PREX1: variants seen among roughly 807,000 people sequenced by gnomAD.
PREX1 encodes the protein phosphatidylinositol 3,4,5-trisphosphate-dependent Rac exchanger 1 protein.
PREX1 carries 41 observed loss-of-function variants against 198.3 expected under a neutral mutation model. The ratio of observed to expected loss-of-function variants is 0.21; its 90% CI spans 0.16 to 0.27. The LOEUF (loss-of-function observed/expected upper bound fraction) is 0.27. Among genes scored for constraint, PREX1 ranks in the 10% least tolerant of loss-of-function variants. The pLI is 1.00. For synonymous variants in PREX1, 843 were observed against 887.2 expected (o/e 0.95, Z 0.89); for missense variants, 1,620 against 2,200.7 (o/e 0.74, Z 5.28).
At chr20:48,868,351 CTT>C in the PREX1 span, among the ~76,000 whole-genome samples, 3 of 151,976 alleles carry the variant, frequency 2.0e-5, no homozygotes, top group African/African-American at 7.3e-5. Flanking sequence ...GAGTTTCGCT[CTT>C]GTTACCCAAG....
intron 1 of PREX1, among the ~76,000 whole-genome samples, chr20:48,773,070 C>A (rs1456164948): frequency 6.6e-6 from 1 of 152,046 alleles, no homozygotes; most frequent in Non-Finnish European, 1.5e-5. Context: ...AGTTCAAGAC[C>A]AGCCTCGCCA....
At chr20:48,749,616 A>G (rs1413535757) in intron 1 of PREX1, among the ~76,000 whole-genome samples, 1 of 152,112 alleles carries the variant, frequency 6.6e-6, no homozygotes, top group African/African-American at 2.4e-5. Context: ...TGCCCCCGGG[A>G]GCCCGGCCAC....
the PREX1 span, among the ~76,000 whole-genome samples, chr20:48,874,999 G>A: frequency 6.6e-6 from 1 of 152,226 alleles, no homozygotes; most frequent in Non-Finnish European, 1.5e-5. Context: ...AGCTCAGCCA[G>A]AAGCTAGTAT....
Position 48,644,491 on chromosome 20 carries a change from A to G in PREX1, c.3519T>C (p.Cys1173=). 1.2e-6 allele frequency: 2 copies of G among 1,613,408 alleles called. No individual in the cohort carries two copies. Among genetic ancestry groups the G allele is most frequent in the Admixed American group, 3.3e-5 (2 of 59,982 alleles). ...TMSYRDSYSE[C]NSNRDSVLSY... is the part of the protein sequence containing the mutation. ...ACAGGACCGAGTCTCGATTGCTGTT[A>G]CACTCGCTGCAAAGGGGCCCAGAGA... The change falls in exon 27 of 40, where the codon TGT becomes TGC. Residue 1173 remains cysteine, a synonymous_variant. Transcript: ENST00000371941.
Position 48,692,660 on chromosome 20 carries a change from G to A in PREX1, c.1036+12C>T. 1 of 1,607,522 alleles carries A rather than the reference G, an allele frequency of 6.2e-7. No individual in the cohort carries two copies. The highest frequency in any genetic ancestry group is 8.5e-7 in the Non-Finnish European group (1 of 1,174,020). ...TCAGGCAGGGCTCAGGCAAGGCTGG[G>A]GGAGGGGCTACCTGTCCCATCTTCC... On this transcript the variant is annotated intron_variant, in intron 8 of 39. Coordinates refer to ENST00000371941, the MANE Select transcript of PREX1 (RefSeq NM_020820.4).
Position 48,827,544 on chromosome 20 carries a change from T to C in PREX1, c.219+98A>G. On this transcript the variant is annotated intron_variant, in intron 1 of 39. Coordinates refer to ENST00000371941, the MANE Select transcript of PREX1 (RefSeq NM_020820.4). The surrounding 1 kb of genome is among the most constrained non-coding windows in gnomAD (Gnocchi z 4.1). Reference sequence around the variant, plus strand: ...GCCCTGCGGGGCGCCCCCGAGGCAATTCTCCACCCACGGGGACCACGGCCA... The same window carrying C: ...GCCCTGCGGGGCGCCCCCGAGGCAACTCTCCACCCACGGGGACCACGGCCA... The C allele has an allele frequency of 7.5e-6, 7 of 935,538 alleles. No individual in the cohort carries two copies. The highest frequency in any genetic ancestry group is 9.6e-6 in the Non-Finnish European group (7 of 728,604). The allele number at this position is 935,538 out of a possible 1,614,324, so 58.0% of individuals were successfully genotyped here. A position where few individuals can be genotyped will look rare whatever the true frequency, so the allele number is the denominator to read the frequency against.
chr20:48,664,103 G>A (rs572963348), intron 15 of PREX1, among the ~76,000 whole-genome samples: 106 of 152,326 alleles, frequency 7.0e-4, no homozygotes, highest in Admixed American at 1.2e-3. Context: ...GGTCGGGCGC[G>A]GTGGCTCACG....
At chr20:48,642,614 G>T in intron 27 of PREX1, 125 bp from the exon 28 acceptor site, 1 of 837,540 alleles carries the variant, frequency 1.2e-6, no homozygotes. Context: ...GGAGTCTGAA[G>T]ACCAGGTCCT....
Position 48,625,860 on chromosome 20 carries a change from G to A in PREX1, c.*25C>T, listed in dbSNP as rs769863202. On this transcript the variant is annotated 3_prime_UTR_variant, in exon 40 of 40. Coordinates refer to ENST00000371941, the MANE Select transcript of PREX1 (RefSeq NM_020820.4). ...CCCAAATCCCAGCTCCAGAGGCCGC[G>A]GCCCAGCGTGGGGCATTTGGGTGTT... The A allele has an allele frequency of 2.4e-5, 37 of 1,551,418 alleles. No homozygotes were observed. The highest frequency in any genetic ancestry group is 3.8e-5 in the Admixed American group (2 of 52,046).
chr20:48,857,735 T>G, the PREX1 span, among the ~76,000 whole-genome samples: 605 of 152,326 alleles, frequency 4.0e-3, 3 homozygotes, highest in African/African-American at 0.011. Flanking sequence ...ATTTCGCCAC[T>G]GCACTCCAGC....
rs116947513 is a variant in PREX1, at chr20:48,722,669, G to A, written c.621+3621C>T. Among the ~76,000 whole-genome samples, 345 of 152,336 alleles carry A rather than the reference G, an allele frequency of 2.3e-3. 4 individuals are homozygous for A. In the East Asian group the frequency reaches 0.044, roughly 19 times the overall value. ...GGGCCCATCTCTCCTCAGAGGCCCC[G>A]GAGATGAGGAAGCAGCAAAGGAGAC... On this transcript the variant is annotated intron_variant, in intron 5 of 39. Transcript: ENST00000371941.
At chr20:48,818,410 G>A (rs749193930) in intron 1 of PREX1, among the ~76,000 whole-genome samples, 18 of 152,238 alleles carry the variant, frequency 1.2e-4, no homozygotes, top group Admixed American at 2.0e-4. Context: ...GGCAGGTCTT[G>A]TGCGACATTC....
In PREX1 at chr20:48,692,736, G is replaced by A; in HGVS notation, c.972C>T (p.Leu324=). The change falls in exon 8 of 40, where the codon CTC becomes CTT. Residue 324 remains leucine (L), a synonymous_variant. Coordinates refer to ENST00000371941, the MANE Select transcript of PREX1 (RefSeq NM_020820.4). ...TGTTGATTCGACCCCTGAAGATGTA[G>A]AGGGAGCCGTTGATGGATTTGGTCC... ...TKRTKSINGS[L]YIFRGRINTE... 1.9e-6 allele frequency: 3 copies of A among 1,614,098 alleles called. No homozygotes were observed. Among genetic ancestry groups the A allele is most frequent in the East Asian group, 4.5e-5 (2 of 44,890 alleles).
chr20:48,722,706 G>T (rs769997384), intron 5 of PREX1, among the ~76,000 whole-genome samples: 1 of 152,188 alleles, frequency 6.6e-6, no homozygotes, highest in Admixed American at 6.5e-5. Flanking sequence ...AAGATCAAGC[G>T]GCCAGAGAGC....
rs1465877532 is a variant in PREX1 at position 48,827,316 on chromosome 20, T to C, written c.219+326A>G. Among the ~76,000 whole-genome samples, 1 of 151,882 alleles carries C rather than the reference T, an allele frequency of 6.6e-6. No homozygotes were observed. Among genetic ancestry groups the C allele is most frequent in the African/African-American group, 2.4e-5 (1 of 41,342 alleles). Reference sequence around the variant, plus strand: ...GCGCCAGCTCCCGGCGCCGCCGGGGTCCCCAAGCCCCTGCATCGCGGATGT... The same window carrying C: ...GCGCCAGCTCCCGGCGCCGCCGGGGCCCCCAAGCCCCTGCATCGCGGATGT... On this transcript the variant is annotated intron_variant, in intron 1 of 39. Transcript: ENST00000371941. The surrounding 1 kb of genome is among the most constrained non-coding windows in gnomAD (Gnocchi z 4.1).
At chr20:48,628,659 G>A (rs191652016) in intron 37 of PREX1, among the ~76,000 whole-genome samples, 2 of 152,280 alleles carry the variant, frequency 1.3e-5, no homozygotes, top group African/African-American at 2.4e-5. Context: ...AATGTTCCCC[G>A]GGGATAAAAC....
intron 1 of PREX1, among the ~76,000 whole-genome samples, chr20:48,809,244 G>A (rs530776862): frequency 6.6e-6 from 1 of 152,338 alleles, no homozygotes; most frequent in East Asian, 1.9e-4. Context: ...AAGGCCAAGA[G>A]CCACTGCAAG....
chr20:48,696,645 A>G (rs139501728), intron 7 of PREX1, among the ~76,000 whole-genome samples: 13 of 127,570 alleles, frequency 1.0e-4, no homozygotes, highest in African/African-American at 2.3e-4. Context: ...ACATACACAC[A>G]TACACACGTA....
chr20:48,839,520 AC>A, the PREX1 span, among the ~76,000 whole-genome samples: 1 of 152,184 alleles, frequency 6.6e-6, no homozygotes, highest in Admixed American at 6.5e-5. Flanking sequence ...ATACTATGTT[AC>A]CTTTTTCACT....
Sources: gnomAD v4.1 joint callset for allele counts (sites outside exome capture counted in the v4.1 genomes callset) on GRCh38, gnomAD v4.1.1 for gene constraint, Gnocchi (gnomAD v3.1) non-coding constraint, MANE v1.5 for transcripts, NCBI Gene and HGNC (gene_info 2026-07-23, HGNC 2026-07-21) for gene names.